Variants in FNBP1 observed in about 807,000 individuals in gnomAD.
FNBP1 encodes the protein formin binding protein 1, also known as formin-binding protein 1.
In FNBP1, 26 loss-of-function variants were observed where a neutral mutation model predicts 90.6. The ratio of observed to expected loss-of-function variants is 0.29; its 90% CI spans 0.21 to 0.40. FNBP1 has a LOEUF of 0.40. Among genes scored for constraint, FNBP1 ranks in the 10% least tolerant of loss-of-function variants. The probability of loss-of-function intolerance (pLI) is 1.00; values close to 1 mark genes in which losing one functional copy is unlikely to be tolerated. For synonymous variants in FNBP1, 260 were observed against 265.2 expected (o/e 0.98, Z 0.19); for missense variants, 635 against 768.0 (o/e 0.83, Z 2.05).
chr9:129,919,368 C>T (rs1318347285), intron 10 of FNBP1: 3 of 379,554 alleles, frequency 7.9e-6, no homozygotes, highest in African/African-American at 4.2e-5. Context: ...TTTTTCCATA[C>T]AATGAACTCT....
At chr9:130,035,617 A>G (rs2059238880) in intron 1 of FNBP1, among the ~76,000 whole-genome samples, 1 of 152,206 alleles carries the variant, frequency 6.6e-6, no homozygotes. Flanking sequence ...GGCACTCAAT[A>G]AATGGCAGTA....
At chr9:129,917,300 C>A (rs536180205) in intron 10 of FNBP1, among the ~76,000 whole-genome samples, 2 of 151,514 alleles carry the variant, frequency 1.3e-5, no homozygotes, top group African/African-American at 4.9e-5. Flanking sequence ...GCTACTGTGC[C>A]CAGCTGTGAC....
chr9:129,943,922 A>G (rs535951547), intron 6 of FNBP1, among the ~76,000 whole-genome samples: 5,305 of 135,184 alleles, frequency 0.039, 95 homozygotes, highest in Middle Eastern at 0.078. Context: ...GAACCTGGGA[A>G]GCAGAGCTTG....
At chr9:129,928,906 C>G (rs1046781825) in intron 7 of FNBP1, among the ~76,000 whole-genome samples, 1 of 151,960 alleles carries the variant, frequency 6.6e-6, no homozygotes, top group Admixed American at 6.6e-5. Flanking sequence ...TCCTGGGCAA[C>G]ACAGCAAGAC....
At chr9:129,910,437 G>A (rs557819999) in intron 11 of FNBP1, among the ~76,000 whole-genome samples, 66 of 136,606 alleles carry the variant, frequency 4.8e-4, no homozygotes, top group African/African-American at 1.4e-3. Context: ...AGCCGAGATC[G>A]TGCCGCTGTA....
intron 6 of FNBP1, among the ~76,000 whole-genome samples, chr9:129,956,036 T>C (rs1194604411): frequency 6.6e-6 from 1 of 152,154 alleles, no homozygotes; most frequent in African/African-American, 2.4e-5. Flanking sequence ...ATACAGATAT[T>C]GAGAACACTC....
At chr9:129,959,396 C>T (rs1017241302) in intron 4 of FNBP1, among the ~76,000 whole-genome samples, 22 of 151,698 alleles carry the variant, frequency 1.5e-4, no homozygotes, top group Non-Finnish European at 3.1e-4. Context: ...CAAGACCAGC[C>T]TGGCCAATAT....
chr9:130,011,638 C>A (rs1387709717), intron 1 of FNBP1, among the ~76,000 whole-genome samples: 1 of 152,144 alleles, frequency 6.6e-6, no homozygotes, highest in African/African-American at 2.4e-5. Flanking sequence ...GTCACTGAAC[C>A]TGCTGGCACC....
At chr9:129,971,643 G>A (rs533814417) in intron 4 of FNBP1, among the ~76,000 whole-genome samples, 2 of 152,172 alleles carry the variant, frequency 1.3e-5, no homozygotes, top group East Asian at 3.9e-4. Flanking sequence ...CACCTGCCTT[G>A]GCCTCCCAAA....
chr9:130,046,915 G>A (rs2060063986), upstream of FNBP1, among the ~76,000 whole-genome samples: 1 of 151,976 alleles, frequency 6.6e-6, no homozygotes, highest in Non-Finnish European at 1.5e-5. Context: ...GGTTCTGTGA[G>A]GCACTGTAAC....
chr9:130,033,829 C>T (rs2059031058), intron 1 of FNBP1, among the ~76,000 whole-genome samples: 2 of 136,414 alleles, frequency 1.5e-5, no homozygotes, highest in South Asian at 2.5e-4. Context: ...ATGGTAACCC[C>T]GCCTCTACTA....
chr9:129,931,663 T>A (rs1017666144), intron 6 of FNBP1, among the ~76,000 whole-genome samples: 10 of 151,500 alleles, frequency 6.6e-5, no homozygotes, highest in Admixed American at 5.3e-4. Context: ...TTGGGTGTGG[T>A]GATGTGTGCC....
At chr9:129,927,472 G>T in intron 7 of FNBP1, 131 bp from the exon 8 acceptor site, 1 of 754,606 alleles carries the variant, frequency 1.3e-6, no homozygotes, top group Non-Finnish European at 2.2e-6. Context: ...GCGGCTCTAA[G>T]TACACGGAGC....
chr9:130,020,269 G>A (rs535950946), intron 1 of FNBP1, among the ~76,000 whole-genome samples: 41 of 152,182 alleles, frequency 2.7e-4, no homozygotes, highest in African/African-American at 9.4e-4. Flanking sequence ...GTGCTGTAGC[G>A]CGACCTTGGC....
chr9:130,043,697 A>G (rs2060015730), upstream of FNBP1, among the ~76,000 whole-genome samples: 1 of 152,214 alleles, frequency 6.6e-6, no homozygotes, highest in African/African-American at 2.4e-5. Context: ...GTGCGAATAG[A>G]GACGTCGAGG....
At position 129,912,551 on chromosome 9, in the gene FNBP1, G is replaced by C. The variant is rs1051643434; in HGVS notation, c.1185+3415C>G. Among the ~76,000 whole-genome samples, 5 of 152,248 alleles carry C rather than the reference G, an allele frequency of 3.3e-5. No individual in the cohort carries two copies. The East Asian group carries it at 9.7e-4, about 29-fold the overall frequency. On this transcript the variant is annotated intron_variant, in intron 11 of 16. Transcript: ENST00000446176. ...TAAAAATACAAAATTAGCCAGGCGT[G>C]GTGGCGCCCGTCTGTAATCCCAGCT... is the stretch of plus-strand genomic sequence containing the variant.
chr9:129,905,196 A>G (rs1356478610), intron 12 of FNBP1, among the ~76,000 whole-genome samples: 1 of 150,188 alleles, frequency 6.7e-6, no homozygotes, highest in African/African-American at 2.4e-5. Context: ...CTCTCCTCCC[A>G]GTCTTTCCTA....
At chr9:129,903,980 T>C (rs573765650) in intron 12 of FNBP1, among the ~76,000 whole-genome samples, 16 of 152,272 alleles carry the variant, frequency 1.1e-4, no homozygotes, top group African/African-American at 3.9e-4. Flanking sequence ...GAGGTTGCAG[T>C]GAGCCGAGAT....
intron 16 of FNBP1, among the ~76,000 whole-genome samples, chr9:129,893,627 A>AAAAAAAAAAAG: frequency 7.4e-6 from 1 of 134,236 alleles, no homozygotes; most frequent in Non-Finnish European, 1.6e-5. Context: ...AAAAAAAAAA[A>AAAAAAAAAAAG]AAAAAAAAAA....
Sources: allele counts gnomAD v4.1 joint callset (sites outside exome capture counted in the v4.1 genomes callset), GRCh38; gene constraint gnomAD v4.1.1; transcripts MANE v1.5; gene names NCBI Gene and HGNC (gene_info 2026-07-23, HGNC 2026-07-21).